Variants in MCC observed in about 807,000 individuals in gnomAD.
The protein encoded by MCC is colorectal mutant cancer protein.
Under a neutral mutation model 116.2 loss-of-function variants are expected in MCC, and 90 were observed. The observed-to-expected ratio is 0.77, with a 90% CI of 0.65 to 0.92. MCC has a LOEUF of 0.92. Ranked by LOEUF, MCC falls within the 40% of genes least tolerant of loss-of-function variation. MCC has a pLI of 0.00. For synonymous variants in MCC, 578 were observed against 510.5 expected, an observed-to-expected ratio of 1.13 and a Z score of -1.78; for missense variants, 1,516 against 1,312.2, an observed-to-expected ratio of 1.16 and a Z score of -2.40.
intron 3 of MCC, among the ~76,000 whole-genome samples, chr5:113,275,290 G>C (rs1765780967): frequency 6.6e-6 from 1 of 152,162 alleles, no homozygotes; most frequent in African/African-American, 2.4e-5. Flanking sequence ...TGTTGCTCTA[G>C]ATTAGCATTT....
chr5:113,243,276 G>T (rs570133836), intron 3 of MCC, among the ~76,000 whole-genome samples: 1 of 152,158 alleles, frequency 6.6e-6, no homozygotes, highest in East Asian at 1.9e-4. Flanking sequence ...ACATATAAAT[G>T]GAAGGTAAAG....
intron 5 of MCC, among the ~76,000 whole-genome samples, chr5:113,138,455 A>T (rs1758976027): frequency 6.6e-6 from 1 of 152,228 alleles, no homozygotes; most frequent in African/African-American, 2.4e-5. Context: ...AAGATACAGC[A>T]GAGAGCTTGC....
intron 1 of MCC, among the ~76,000 whole-genome samples, chr5:113,469,193 T>C (rs1452868221): frequency 6.6e-6 from 1 of 152,232 alleles, no homozygotes; most frequent in Non-Finnish European, 1.5e-5. Flanking sequence ...TCAGTTCTGC[T>C]CTGATCTTAG....
chr5:113,068,220 G>C lies in MCC; in HGVS notation c.1926-37C>G, dbSNP rs756922888. On this transcript the variant is annotated intron_variant, in intron 12 of 18. Transcript: ENST00000408903. ...CACATGGGGCCTCAGCCCTTGCAGAGAACAGCGGACACCTTCAATGTGGCG... is the reference window on the plus strand; with the variant it reads ...CACATGGGGCCTCAGCCCTTGCAGACAACAGCGGACACCTTCAATGTGGCG... 2.6e-6 allele frequency: 4 copies of C among 1,526,720 alleles called. No individual in the cohort carries two copies. In the African/African-American group the frequency reaches 5.5e-5, roughly 21 times the overall value. 94.6% of individuals were successfully genotyped at this position (1,526,720 alleles called of 1,614,324 possible). A position where few individuals can be genotyped will look rare whatever the true frequency, so the allele number is the denominator to read the frequency against.
chr5:113,184,754 G>C (rs1405613178), intron 3 of MCC, among the ~76,000 whole-genome samples: 4 of 152,130 alleles, frequency 2.6e-5, no homozygotes, highest in African/African-American at 9.7e-5. Context: ...GTAGAACATA[G>C]AACTTCTGGG....
At chr5:113,207,341 G>A (rs1334114197) in intron 3 of MCC, among the ~76,000 whole-genome samples, 1 of 152,000 alleles carries the variant, frequency 6.6e-6, no homozygotes, top group African/African-American at 2.4e-5. Context: ...CTGGTTCATG[G>A]TAAGCATCCA....
At chr5:113,438,207 A>T (rs1355704305) in intron 1 of MCC, among the ~76,000 whole-genome samples, 1 of 152,004 alleles carries the variant, frequency 6.6e-6, no homozygotes, top group African/African-American at 2.4e-5. Flanking sequence ...TTGTGGGGGG[A>T]GTCTTTAACT....
intron 4 of MCC, among the ~76,000 whole-genome samples, chr5:113,149,301 T>C (rs1759709969): frequency 1.3e-5 from 2 of 152,096 alleles, no homozygotes; most frequent in Non-Finnish European, 2.9e-5. Context: ...AGACCACCAC[T>C]GAAACATTCT....
At chr5:113,048,939 A>G (rs908136907) in intron 16 of MCC, 154 bp downstream of exon 16, 9 of 693,050 alleles carry the variant, frequency 1.3e-5, no homozygotes, top group African/African-American at 1.2e-4. Context: ...TTACACTCAA[A>G]ATGTCACCTT....
At chr5:113,179,421 G>T (rs2150308132) in intron 3 of MCC, among the ~76,000 whole-genome samples, 1 of 152,286 alleles carries the variant, frequency 6.6e-6, no homozygotes, top group East Asian at 1.9e-4. Context: ...AGTACTTCAG[G>T]CAGTGCTCAG....
intron 3 of MCC, among the ~76,000 whole-genome samples, chr5:113,337,193 T>C (rs544805589): frequency 6.6e-6 from 1 of 152,288 alleles, no homozygotes; most frequent in African/African-American, 2.4e-5. Flanking sequence ...TGACTCACCC[T>C]ATTAAGTTTT....
chr5:113,101,670 G>A (rs2150254861), intron 8 of MCC, 69 bp downstream of exon 8: 2 of 1,517,050 alleles, frequency 1.3e-6, no homozygotes, highest in Non-Finnish European at 1.8e-6. Flanking sequence ...TGCCCCTGGT[G>A]CTATACACCA....
chr5:113,266,105 C>T (rs187677613), intron 3 of MCC, among the ~76,000 whole-genome samples: 20 of 152,208 alleles, frequency 1.3e-4, no homozygotes, highest in Non-Finnish European at 2.4e-4. Flanking sequence ...AGGTCTTATG[C>T]CAAATGCTAG....
chr5:113,032,682 G>C (rs1399807366), intron 17 of MCC, among the ~76,000 whole-genome samples: 2 of 152,208 alleles, frequency 1.3e-5, no homozygotes, highest in African/African-American at 4.8e-5. Context: ...GTGAGGCTAA[G>C]ACCTACTGGG....
intron 15 of MCC, 50 bp downstream of exon 15, chr5:113,053,675 A>G (rs745792804): frequency 7.3e-7 from 1 of 1,376,496 alleles, no homozygotes; most frequent in Non-Finnish European, 1.0e-6. Context: ...GAGGTTGTTT[A>G]GATTTCCTCC....
chr5:113,114,990 A>G (rs1757312578), intron 6 of MCC, among the ~76,000 whole-genome samples: 1 of 152,160 alleles, frequency 6.6e-6, no homozygotes. Context: ...CTCACATGAA[A>G]AGGCAGAGGG....
chr5:113,196,087 C>T lies in MCC; in HGVS notation c.628-44665G>A, dbSNP rs1054470406. ...TCTTTTCGATTGTTTACTTGTGCCT[C>T]GGTTGGCACATAGTGTCTTTCACTG... On this transcript the variant is annotated intron_variant, in intron 3 of 18. Coordinates refer to ENST00000408903, the MANE Select transcript of MCC (RefSeq NM_001085377.2). 7.2e-5 allele frequency among the ~76,000 whole-genome samples: 11 copies of T among 152,214 alleles called. No individual in the cohort carries two copies. In the East Asian group the frequency reaches 9.6e-4, roughly 13 times the overall value.
chr5:113,059,717 A>AG (rs1206255600), intron 14 of MCC, among the ~76,000 whole-genome samples: 2 of 152,102 alleles, frequency 1.3e-5, no homozygotes, highest in Admixed American at 6.6e-5. Flanking sequence ...GCTCTGCTGG[A>AG]GCTCCCGTCA....
intron 3 of MCC, among the ~76,000 whole-genome samples, chr5:113,222,973 G>T (rs917141253): frequency 6.6e-6 from 1 of 152,224 alleles, no homozygotes; most frequent in African/African-American, 2.4e-5. Context: ...ACCCATCATT[G>T]CAACTCAGCA....
Sources: allele counts gnomAD v4.1 joint callset (sites outside exome capture counted in the v4.1 genomes callset), GRCh38; gene constraint gnomAD v4.1.1; transcripts MANE v1.5; gene names NCBI Gene and HGNC (gene_info 2026-07-23, HGNC 2026-07-21).